The following HDGF variants were observed in gnomAD, a reference collection of about 807,000 sequenced individuals.
HDGF encodes the protein heparin binding growth factor, also known as hepatoma-derived growth factor.
In HDGF, 5 loss-of-function variants were observed where a neutral mutation model predicts 30.0. The observed-to-expected ratio is 0.17, with a 90% CI of 0.09 to 0.35. The LOEUF (loss-of-function observed/expected upper bound fraction) is 0.35. HDGF is among the 10% of genes least tolerant of loss of function. The probability of loss-of-function intolerance (pLI) is 1.00; values close to 1 mark genes in which losing one functional copy is unlikely to be tolerated. For synonymous variants in HDGF, 133 were observed against 112.7 expected, an observed-to-expected ratio of 1.18 and a Z score of -1.14; for missense variants, 214 against 302.8, an observed-to-expected ratio of 0.71 and a Z score of 2.18.
chr1:156,751,511 G>T lies in HDGF; in HGVS notation c.-82C>A. ...TTGCGCGTGCGGCGGTGGCGGCGCC[G>T]CTCCGCTCCGGCCCTCGCGCGGCCC... On this transcript the variant is annotated 5_prime_UTR_variant, in exon 1 of 6. Coordinates refer to ENST00000357325, the MANE Select transcript of HDGF (RefSeq NM_004494.3). The surrounding 1 kb of genome is among the most constrained non-coding windows in gnomAD (Gnocchi z 4.7). 1 of 1,129,028 alleles carries T rather than the reference G, an allele frequency of 8.9e-7. No individual in the cohort carries two copies. The allele number at this position is 1,129,028 out of a possible 1,614,324, so 69.9% of individuals were successfully genotyped here. A position where few individuals can be genotyped will look rare whatever the true frequency, so the allele number is the denominator to read the frequency against.
intron 2 of HDGF, among the ~76,000 whole-genome samples, chr1:156,757,777 ACT>A (rs1401851769): frequency 6.7e-6 from 1 of 149,132 alleles, no homozygotes; most frequent in Non-Finnish European, 1.5e-5. Context: ...TGGGAGCAAG[ACT>A]CTGTCTCAAA....
At chr1:156,765,430 TCTTTCTTTC>T (rs141951686) in intron 1 of HDGF, among the ~76,000 whole-genome samples, 20,843 of 134,646 alleles carry the variant, frequency 0.15, 2,790 homozygotes, top group South Asian at 0.24. Flanking sequence ...TCTTTCTCTT[TCTTTCTTTC>T]CTTTCTTTCC....
chr1:156,743,918 A>T, intron 4 of HDGF, 40 bp from the exon 5 acceptor site: 2 of 1,480,116 alleles, frequency 1.4e-6, no homozygotes, highest in Non-Finnish European at 1.9e-6. Context: ...GAGGCTGGAG[A>T]GGGAGGCCAC....
chr1:156,758,204 A>G (rs1651183555), intron 2 of HDGF, among the ~76,000 whole-genome samples: 1 of 152,144 alleles, frequency 6.6e-6, no homozygotes, highest in African/African-American at 2.4e-5. Flanking sequence ...AGGCTGAGAA[A>G]GGAGAATCAC....
Position 156,751,039 on chromosome 1 carries a change from G to A in HDGF, c.87+304C>T, listed in dbSNP as rs761874548. 2.0e-5 allele frequency among the ~76,000 whole-genome samples: 3 copies of A among 151,890 alleles called. No homozygotes were observed. The highest frequency in any genetic ancestry group is 2.9e-5 in the Non-Finnish European group (2 of 67,944). Reference sequence around the variant, plus strand: ...GCTCGAAACCTCTGGGAGTATGGGGGCTGGGGGCGGAACTGAGCACGCGGA... The same window carrying A: ...GCTCGAAACCTCTGGGAGTATGGGGACTGGGGGCGGAACTGAGCACGCGGA... On this transcript the variant is annotated intron_variant, in intron 1 of 5. Coordinates refer to ENST00000357325, the MANE Select transcript of HDGF (RefSeq NM_004494.3). This position sits in a 1 kb window ranked among gnomAD's most constrained non-coding sequence, Gnocchi z 4.7.
At chr1:156,750,765 C>T (rs965488256) in intron 1 of HDGF, 1 of 152,330 alleles carries the variant, frequency 6.6e-6, no homozygotes, top group Non-Finnish European at 1.5e-5. Context: ...AACGATCCTT[C>T]GACCTTTCCA....
chr1:156,756,476 G>C (rs1384822843), upstream of HDGF, among the ~76,000 whole-genome samples: 1 of 152,182 alleles, frequency 6.6e-6, no homozygotes, highest in African/African-American at 2.4e-5. Context: ...ATGGAGTTGG[G>C]AGTCAGCTTA....
rs1401449631 is a variant in HDGF, at chr1:156,742,967, C to T, written c.*482G>A. ...AGGGGACAGGAGCTCAGAAGGAGGC[C>T]GCCCTCCTGTGCTGCCCCCACCCCG... On this transcript the variant is annotated 3_prime_UTR_variant, in exon 6 of 6. Coordinates refer to ENST00000357325, the MANE Select transcript of HDGF (RefSeq NM_004494.3). The T allele has an allele frequency of 3.2e-5, 5 of 155,578 alleles. No individual in the cohort carries two copies. Among genetic ancestry groups the T allele is most frequent in the East Asian group, 1.9e-4 (1 of 5,290 alleles). 9.6% of individuals were successfully genotyped at this position (155,578 alleles called of 1,614,324 possible).
At chr1:156,765,462 TTC>T (rs1651339772) in intron 1 of HDGF, among the ~76,000 whole-genome samples, 1 of 109,492 alleles carries the variant, frequency 9.1e-6, no homozygotes, top group Non-Finnish European at 2.0e-5. Flanking sequence ...CTTTCCTTCT[TTC>T]TTTCTTTCTT....
chr1:156,762,294 G>A (rs945856493), intron 1 of HDGF, among the ~76,000 whole-genome samples: 2 of 150,536 alleles, frequency 1.3e-5, no homozygotes, highest in Non-Finnish European at 3.0e-5. Context: ...CTATAATCCT[G>A]TAATCCGAGC....
At chr1:156,752,998 T>G (rs2102733083), upstream of HDGF, among the ~76,000 whole-genome samples, 1 of 152,274 alleles carries the variant, frequency 6.6e-6, no homozygotes, top group Admixed American at 6.5e-5. Context: ...CCTGAGAACT[T>G]GGACAACCTC....
Position 156,745,370 on chromosome 1 carries a change from C to T in HDGF, c.91G>A (p.Asp31Asn). 6.2e-7 allele frequency: 1 copy of T among 1,613,588 alleles called. No individual in the cohort carries two copies. The highest frequency in any genetic ancestry group is 8.5e-7 in the Non-Finnish European group (1 of 1,179,770). ...KGYPHWPARI[D>N]EMPEAAVKST... ...TTCACGGCAGCCTCAGGCATCTCGT[C>T]AATCTGGGGTGAGATGAGGGGGTGA... The change falls in exon 2 of 6, where the codon GAC (aspartate) becomes AAC (asparagine). Residue 31 changes from aspartate to asparagine, a missense_variant. Asp to Asn is a conservative substitution (Grantham distance 23). Coordinates refer to ENST00000357325, the MANE Select transcript of HDGF (RefSeq NM_004494.3).
At chr1:156,753,522 A>G (rs1651086614), upstream of HDGF, among the ~76,000 whole-genome samples, 1 of 152,218 alleles carries the variant, frequency 6.6e-6, no homozygotes, top group African/African-American at 2.4e-5. Context: ...GCATCAGAAC[A>G]GGTTTCCTTT....
At position 156,743,162 on chromosome 1, in the gene HDGF, A is replaced by C; in HGVS notation, c.*287T>G. 1 of 362,044 alleles carries C rather than the reference A, an allele frequency of 2.8e-6. No homozygotes were observed. Among genetic ancestry groups the C allele is most frequent in the East Asian group, 4.3e-5 (1 of 23,434 alleles). The allele number at this position is 362,044 out of a possible 1,614,324, so 22.4% of individuals were successfully genotyped here. A position where few individuals can be genotyped will look rare whatever the true frequency, so the allele number is the denominator to read the frequency against. On this transcript the variant is annotated 3_prime_UTR_variant, in exon 6 of 6. Transcript: ENST00000357325. ...TCCCAGGCCCCAGCAGAAGCCTGGAAAATAGCTCCAAGCGGAAGGAACACA... is the reference window on the plus strand; with the variant it reads ...TCCCAGGCCCCAGCAGAAGCCTGGACAATAGCTCCAAGCGGAAGGAACACA...
chr1:156,753,450 T>C (rs563387627), upstream of HDGF, among the ~76,000 whole-genome samples: 1 of 152,236 alleles, frequency 6.6e-6, no homozygotes, highest in African/African-American at 2.4e-5. Flanking sequence ...TCAGGCTAAA[T>C]CTTTTTGTTA....
chr1:156,744,820 C>T (rs888456326), intron 3 of HDGF, among the ~76,000 whole-genome samples, 188 bp downstream of exon 3: 2 of 152,140 alleles, frequency 1.3e-5, no homozygotes, highest in Non-Finnish European at 2.9e-5. Flanking sequence ...TGTCCCTAAC[C>T]ACAACTACAC....
At chr1:156,752,521 C>T, upstream of HDGF, 1 of 654,648 alleles carries the variant, frequency 1.5e-6, no homozygotes, top group Non-Finnish European at 2.6e-6. Context: ...CCAGGTGCTA[C>T]CTCTTTTCGG....
chr1:156,761,331 G>A (rs763707268), intron 1 of HDGF, among the ~76,000 whole-genome samples: 9 of 150,352 alleles, frequency 6.0e-5, no homozygotes, highest in Non-Finnish European at 1.0e-4. Context: ...AAATAAGGCC[G>A]GGCGCAGTAG....
intron 1 of HDGF, among the ~76,000 whole-genome samples, chr1:156,762,266 G>T (rs1305614963): frequency 6.6e-6 from 1 of 150,930 alleles, no homozygotes; most frequent in Non-Finnish European, 1.5e-5. Flanking sequence ...AAAACAGGCC[G>T]AGCATGGTGG....
Sources: allele counts gnomAD v4.1 joint callset (sites outside exome capture counted in the v4.1 genomes callset), GRCh38; gene constraint gnomAD v4.1.1; non-coding constraint Gnocchi (gnomAD v3.1); transcripts MANE v1.5; gene names NCBI Gene and HGNC (gene_info 2026-07-23, HGNC 2026-07-21).